CDKAL1: variants seen among roughly 807,000 people sequenced by gnomAD.
CDKAL1 encodes the protein threonylcarbamoyladenosine tRNA methylthiotransferase.
CDKAL1 carries 32 observed loss-of-function variants against 68.2 expected under a neutral mutation model. The observed-to-expected ratio is 0.47, with a 90% CI of 0.35 to 0.63. The LOEUF (loss-of-function observed/expected upper bound fraction) is 0.63, where lower values mean the gene tolerates loss of function less well. Among genes scored for constraint, CDKAL1 ranks in the 30% least tolerant of loss-of-function variants. CDKAL1 has a pLI of 0.00. For synonymous variants in CDKAL1, 234 were observed against 244.3 expected (o/e 0.96, Z 0.39); for missense variants, 606 against 696.7 (o/e 0.87, Z 1.47).
chr6:20,651,544 AT>A (rs929304016), intron 5 of CDKAL1, among the ~76,000 whole-genome samples: 1 of 151,930 alleles, frequency 6.6e-6, no homozygotes, highest in Non-Finnish European at 1.5e-5. Context: ...AATACGCTTT[AT>A]TTTTTTCTCT....
At chr6:21,040,474 A>G (rs201315) in intron 11 of CDKAL1, among the ~76,000 whole-genome samples, 17,186 of 152,128 alleles carry the variant, frequency 0.11, 1,175 homozygotes, top group Middle Eastern at 0.16. Flanking sequence ...CACCAGGAAA[A>G]TGTAGATCAG....
At chr6:21,149,475 G>A (rs1776312495) in intron 13 of CDKAL1, among the ~76,000 whole-genome samples, 1 of 152,096 alleles carries the variant, frequency 6.6e-6, no homozygotes, top group Non-Finnish European at 1.5e-5. Flanking sequence ...GATGATTTAT[G>A]TAATAAAAGT....
chr6:21,133,379 C>G (rs1775426982), intron 13 of CDKAL1, among the ~76,000 whole-genome samples: 1 of 152,154 alleles, frequency 6.6e-6, no homozygotes, highest in Non-Finnish European at 1.5e-5. Context: ...AGCCCTGGTG[C>G]TCAGGACTCC....
At chr6:21,081,570 A>C (rs1403797712) in intron 12 of CDKAL1, among the ~76,000 whole-genome samples, 2 of 149,478 alleles carry the variant, frequency 1.3e-5, no homozygotes, top group South Asian at 2.1e-4. Flanking sequence ...ATAATGATAT[A>C]TCTTTTTTTT....
At chr6:20,889,886 A>G (rs9460571) in intron 9 of CDKAL1, among the ~76,000 whole-genome samples, 10,065 of 152,070 alleles carry the variant, frequency 0.066, 382 homozygotes, top group Non-Finnish European at 0.078. Context: ...GTTTTTTCCA[A>G]TTCTGTGAAG....
chr6:20,899,254 G>A lies in CDKAL1; in HGVS notation c.742+53076G>A, dbSNP rs376358130. The stretch of plus-strand genomic sequence containing the variant: ...TAATTTTTGTATTTTTAGTAGAGAC[G>A]GGGTTTCACCATGTTGGCCAGGATG... On this transcript the variant is annotated intron_variant, in intron 9 of 15. Coordinates refer to ENST00000274695, the MANE Select transcript of CDKAL1 (RefSeq NM_017774.3). Among the ~76,000 whole-genome samples the A allele has an allele frequency of 2.2e-3, 340 of 151,722 alleles. 1 individual carries two copies. Among genetic ancestry groups the A allele is most frequent in the African/African-American group, 7.8e-3 (323 of 41,370 alleles).
intron 7 of CDKAL1, among the ~76,000 whole-genome samples, chr6:20,764,938 A>G (rs1333735509): frequency 6.6e-6 from 1 of 152,204 alleles, no homozygotes; most frequent in Non-Finnish European, 1.5e-5. Context: ...CTTACATGTT[A>G]GGAATACTTT....
At chr6:20,624,117 G>T (rs1436001963) in intron 4 of CDKAL1, among the ~76,000 whole-genome samples, 1 of 152,024 alleles carries the variant, frequency 6.6e-6, no homozygotes, top group Admixed American at 6.6e-5. Context: ...CAGTTTGGGA[G>T]AGTTTACTAT....
At chr6:20,926,592 AAAG>A (rs1398843501) in intron 9 of CDKAL1, among the ~76,000 whole-genome samples, 5 of 152,232 alleles carry the variant, frequency 3.3e-5, no homozygotes, top group South Asian at 4.1e-4. Flanking sequence ...ACAGTACCAG[AAAG>A]AAGAAGGGGC....
rs1009883460 is a variant in CDKAL1 at position 20,583,019 on chromosome 6, T to C, written c.286+34314T>C. On this transcript the variant is annotated intron_variant, in intron 4 of 15. Transcript: ENST00000274695. ...GTAATAAGAAAGACTTTCTATGGAC[T>C]TTATTAATAGAAATAGAAAACAATT... Among the ~76,000 whole-genome samples the C allele has an allele frequency of 2.0e-5, 3 of 152,284 alleles. No homozygotes were observed. In the East Asian group the frequency reaches 5.8e-4, roughly 29 times the overall value.
intron 12 of CDKAL1, among the ~76,000 whole-genome samples, chr6:21,065,716 T>C: frequency 6.7e-6 from 1 of 150,354 alleles, no homozygotes; most frequent in East Asian, 2.0e-4. Flanking sequence ...AGCCTCAATT[T>C]AATTTTATCC....
Position 20,671,131 on chromosome 6 carries a change from T to TACCACCAAGTGTGAAAATTG in CDKAL1, c.371+21755_371+21774dup, listed in dbSNP as rs1769794986. 2.0e-5 allele frequency among the ~76,000 whole-genome samples: 3 copies of TACCACCAAGTGTGAAAATTG among 152,234 alleles called. No homozygotes were observed. The South Asian group carries it at 6.2e-4, about 31-fold the overall frequency. On this transcript the variant is annotated intron_variant, in intron 5 of 15. Transcript: ENST00000274695. ...AAAGGGTTGTAACACTTTATATCCT[T>TACCACCAAGTGTGAAAATTG]ACCACCAAGTGTGAAAATTGTGTGT...
At chr6:20,603,743 A>G (rs1039114106) in intron 4 of CDKAL1, among the ~76,000 whole-genome samples, 2 of 148,108 alleles carry the variant, frequency 1.4e-5, no homozygotes, top group African/African-American at 2.5e-5. Flanking sequence ...ACAAAGATCT[A>G]CATTGATTAA....
intron 8 of CDKAL1, among the ~76,000 whole-genome samples, chr6:20,816,785 A>G (rs1267061601): frequency 6.6e-6 from 1 of 152,146 alleles, no homozygotes; most frequent in Non-Finnish European, 1.5e-5. Context: ...TATATAAGCT[A>G]GAACATATCT....
intron 5 of CDKAL1, among the ~76,000 whole-genome samples, chr6:20,668,519 C>A (rs1357237524): frequency 6.6e-6 from 1 of 152,046 alleles, no homozygotes; most frequent in Non-Finnish European, 1.5e-5. Context: ...TGACTGGAAA[C>A]CTTAGTTGTT....
chr6:20,864,278 A>C (rs944924621), intron 9 of CDKAL1, among the ~76,000 whole-genome samples: 1 of 121,654 alleles, frequency 8.2e-6, no homozygotes, highest in Non-Finnish European at 1.8e-5. Flanking sequence ...GACATTTTGC[A>C]TTTTATTGTG....
chr6:21,074,379 C>T (rs1406654068), intron 12 of CDKAL1, among the ~76,000 whole-genome samples: 1 of 152,170 alleles, frequency 6.6e-6, no homozygotes, highest in African/African-American at 2.4e-5. Flanking sequence ...CCCTGCTCTT[C>T]ATCTTTACTA....
intron 9 of CDKAL1, among the ~76,000 whole-genome samples, chr6:20,853,386 CAAAACAAAA>C (rs1759127841): frequency 4.9e-4 from 16 of 32,462 alleles, no homozygotes; most frequent in Admixed American, 1.8e-3. Flanking sequence ...TCTCAAAAAA[CAAAACAAAA>C]AAAAAACAAA....
chr6:21,000,524 T>C (rs1767373117), intron 11 of CDKAL1, 152 bp downstream of exon 11: 1 of 608,148 alleles, frequency 1.6e-6, no homozygotes, highest in East Asian at 2.8e-5. Context: ...CCTTGGCACC[T>C]TTGATGTGGT....
Sources: gnomAD v4.1 joint callset for allele counts (sites outside exome capture counted in the v4.1 genomes callset) on GRCh38, gnomAD v4.1.1 for gene constraint, MANE v1.5 for transcripts, NCBI Gene and HGNC (gene_info 2026-07-23, HGNC 2026-07-21) for gene names.